ZNRF1: variants seen among roughly 807,000 people sequenced by gnomAD.
The protein encoded by ZNRF1 is zinc and ring finger 1, also known as E3 ubiquitin-protein ligase ZNRF1.
In ZNRF1, 3 loss-of-function variants were observed where a neutral mutation model predicts 18.4. That is an observed-to-expected ratio of 0.16 (90% CI 0.07 to 0.42). The LOEUF (loss-of-function observed/expected upper bound fraction) is 0.42, where lower values mean the gene tolerates loss of function less well. ZNRF1 is among the 10% of genes least tolerant of loss of function. The probability of loss-of-function intolerance (pLI) is 0.99; values close to 1 mark genes in which losing one functional copy is unlikely to be tolerated. For synonymous variants in ZNRF1, 157 were observed against 144.2 expected, an observed-to-expected ratio of 1.09 and a Z score of -0.64; for missense variants, 310 against 329.8, an observed-to-expected ratio of 0.94 and a Z score of 0.47.
intron 1 of ZNRF1, among the ~76,000 whole-genome samples, chr16:75,092,657 A>G (rs374161204): frequency 4.6e-5 from 7 of 152,352 alleles, no homozygotes; most frequent in African/African-American, 1.4e-4. Flanking sequence ...TTCTCAACCA[A>G]AATTCTCCAG....
chr16:75,095,799 T>TGTGTCCCC, intron 2 of ZNRF1: 1 of 1,448,270 alleles, frequency 6.9e-7, no homozygotes, highest in Middle Eastern at 2.5e-4. Flanking sequence ...GACGCCACCA[T>TGTGTCCCC]GTGTCCCCCT....
At chr16:75,023,695 A>G (rs1168180583) in intron 1 of ZNRF1, among the ~76,000 whole-genome samples, 6 of 115,522 alleles carry the variant, frequency 5.2e-5, no homozygotes, top group Non-Finnish European at 1.1e-4. Flanking sequence ...CAAACAAACA[A>G]ACAAAAAAAA....
chr16:75,076,851 G>A (rs1168965945), intron 1 of ZNRF1, among the ~76,000 whole-genome samples: 2 of 151,804 alleles, frequency 1.3e-5, no homozygotes, highest in East Asian at 2.0e-4. Context: ...AGACACCAGC[G>A]CTTTCTCTCC....
chr16:75,089,201 C>G (rs1159432556), intron 1 of ZNRF1, among the ~76,000 whole-genome samples: 3 of 152,066 alleles, frequency 2.0e-5, no homozygotes, highest in African/African-American at 7.3e-5. Context: ...CTCCTGGGCT[C>G]AAGCGATCCT....
At chr16:75,103,789 AG>A (rs2036279965) in intron 2 of ZNRF1, among the ~76,000 whole-genome samples, 1 of 152,202 alleles carries the variant, frequency 6.6e-6, no homozygotes, top group African/African-American at 2.4e-5. Flanking sequence ...GTTCGAGACC[AG>A]CCCGGCCAAC....
At chr16:75,056,482 C>T (rs1201214543) in intron 1 of ZNRF1, among the ~76,000 whole-genome samples, 4 of 152,152 alleles carry the variant, frequency 2.6e-5, no homozygotes, top group Admixed American at 2.0e-4. Context: ...TCTTGGTTGA[C>T]AAATCTGGTA....
chr16:75,093,303 T>G (rs927698309), intron 1 of ZNRF1, among the ~76,000 whole-genome samples: 1 of 151,342 alleles, frequency 6.6e-6, no homozygotes, highest in Non-Finnish European at 1.5e-5. Flanking sequence ...GAGAATCGCT[T>G]GAACCCGGGA....
chr16:75,085,791 T>TGAGAGAGAGAGAGAGA (rs71378737), intron 1 of ZNRF1, among the ~76,000 whole-genome samples: 256 of 139,042 alleles, frequency 1.8e-3, no homozygotes, highest in African/African-American at 5.0e-3. Flanking sequence ...TCCGACAGAG[T>TGAGAGAGAGAGAGAGA]GAGAGAGAGA....
intron 1 of ZNRF1, among the ~76,000 whole-genome samples, chr16:75,056,262 G>A (rs1409877774): frequency 8.5e-5 from 13 of 152,214 alleles, no homozygotes; most frequent in Non-Finnish European, 4.4e-5. Flanking sequence ...TCAGCCCAGC[G>A]TGTAAGCCTA....
At chr16:75,088,619 C>A (rs2145417496) in intron 1 of ZNRF1, among the ~76,000 whole-genome samples, 1 of 152,328 alleles carries the variant, frequency 6.6e-6, no homozygotes, top group South Asian at 2.1e-4. Context: ...AGTAGCACAG[C>A]ACACGAGCAA....
At chr16:75,030,622 C>A (rs545610684) in intron 1 of ZNRF1, among the ~76,000 whole-genome samples, 1 of 152,076 alleles carries the variant, frequency 6.6e-6, no homozygotes, top group Non-Finnish European at 1.5e-5. Context: ...CAAAAAGAAA[C>A]CCCATAACCA....
intron 1 of ZNRF1, among the ~76,000 whole-genome samples, chr16:75,083,533 A>C (rs1308646434): frequency 2.0e-5 from 3 of 152,188 alleles, no homozygotes; most frequent in African/African-American, 7.2e-5. Context: ...AGTTGGTAAA[A>C]ATTGAGAATC....
intron 1 of ZNRF1, among the ~76,000 whole-genome samples, chr16:75,020,178 C>T (rs1362602969): frequency 6.6e-6 from 1 of 152,170 alleles, no homozygotes; most frequent in East Asian, 1.9e-4. Flanking sequence ...TTATCCCTAA[C>T]AGTACTTTTT....
intron 1 of ZNRF1, among the ~76,000 whole-genome samples, chr16:75,025,348 C>T (rs2035207476): frequency 6.6e-6 from 1 of 152,024 alleles, no homozygotes; most frequent in Admixed American, 6.6e-5. Context: ...GATTACAGGA[C>T]TGAGCCACCA....
chr16:75,054,061 G>A (rs1289826317), intron 1 of ZNRF1, among the ~76,000 whole-genome samples: 1 of 152,212 alleles, frequency 6.6e-6, no homozygotes, highest in Non-Finnish European at 1.5e-5. Flanking sequence ...CTTCCTTGTT[G>A]ACAATTCCCT....
intron 1 of ZNRF1, among the ~76,000 whole-genome samples, chr16:75,075,011 A>C (rs1030779132): frequency 6.9e-6 from 1 of 145,002 alleles, no homozygotes; most frequent in African/African-American, 2.6e-5. Context: ...GCTGTTGAGT[A>C]CTTTGCCAAC....
chr16:75,011,727 A>G (rs1954956), intron 1 of ZNRF1, among the ~76,000 whole-genome samples: 46,221 of 152,078 alleles, frequency 0.3, 8,277 homozygotes, highest in East Asian at 0.62. Flanking sequence ...GCTAGCTGCC[A>G]TCCATCTTAA....
At chr16:75,096,071 T>TGTGC in intron 2 of ZNRF1, among the ~76,000 whole-genome samples, 1 of 143,454 alleles carries the variant, frequency 7.0e-6, no homozygotes, top group Non-Finnish European at 1.5e-5. Context: ...CGTGTGTGTG[T>TGTGC]GTGTGTGTGT....
intron 1 of ZNRF1, among the ~76,000 whole-genome samples, chr16:75,048,342 A>G (rs2035543330): frequency 6.6e-6 from 1 of 151,996 alleles, no homozygotes; most frequent in Non-Finnish European, 1.5e-5. Flanking sequence ...TACAGGCCTT[A>G]TTTTCAAATA....
Sources: gnomAD v4.1 joint callset for allele counts (sites outside exome capture counted in the v4.1 genomes callset) on GRCh38, gnomAD v4.1.1 for gene constraint, MANE v1.5 for transcripts, NCBI Gene and HGNC (gene_info 2026-07-23, HGNC 2026-07-21) for gene names.